RPSA: variants seen among roughly 807,000 people sequenced by gnomAD.
RPSA encodes ribosomal protein SA.
For synonymous variants in RPSA, 103 were observed against 126.7 expected (o/e 0.81, Z 1.25); for missense variants, 140 against 372.8 (o/e 0.38, Z 5.14).
Position 39,411,462 on chromosome 3 carries a change from T to C in RPSA, c.499-187T>C, listed in dbSNP as rs577722817. On this transcript the variant is annotated intron_variant, in intron 4 of 6. Coordinates refer to ENST00000301821, the MANE Select transcript of RPSA (RefSeq NM_002295.6). ...ATGCCAGTGTCCAGGCATTTTTTTTTCAATCCCTATGATTCCAGTGTGCAG... is the reference window on the plus strand; with the variant it reads ...ATGCCAGTGTCCAGGCATTTTTTTTCCAATCCCTATGATTCCAGTGTGCAG... The C allele has an allele frequency of 7.1e-5, 45 of 636,504 alleles. 1 individual carries two copies. The highest frequency in any genetic ancestry group is 4.0e-4 in the East Asian group (14 of 35,294). 39.4% of individuals were successfully genotyped at this position (636,504 alleles called of 1,614,324 possible).
intron 3 of RPSA, chr3:39,410,449 T>C (rs1361547328): frequency 2.5e-6 from 1 of 401,886 alleles, no homozygotes; most frequent in East Asian, 5.6e-5. Context: ...AAAAGGCAGT[T>C]AGTTATTGCT....
intron 3 of RPSA, among the ~76,000 whole-genome samples, chr3:39,409,530 C>T (rs1299811971): frequency 6.6e-6 from 1 of 152,232 alleles, no homozygotes; most frequent in South Asian, 2.1e-4. Flanking sequence ...ACATGCTGGG[C>T]ATCTGGCAGT....
chr3:39,412,210 G>C (rs1270295160), intron 6 of RPSA, 64 bp from the exon 7 acceptor site: 1 of 1,387,134 alleles, frequency 7.2e-7, no homozygotes, highest in Non-Finnish European at 1.0e-6. Flanking sequence ...TGTTGGGAGT[G>C]GGGTAAGGAA....
chr3:39,410,635 TGTG>T, intron 3 of RPSA, 116 bp from the exon 4 acceptor site: 1 of 1,122,250 alleles, frequency 8.9e-7, no homozygotes, highest in Non-Finnish European at 1.4e-6. Context: ...AAGCTGGGTA[TGTG>T]CCTGCTTTAC....
At chr3:39,407,217 C>T (rs1230526073) in intron 1 of RPSA, 2 of 343,342 alleles carry the variant, frequency 5.8e-6, no homozygotes, top group African/African-American at 2.2e-5. Context: ...CGAAGTAATT[C>T]CAAAGCATCC....
Position 39,410,746 on chromosome 3 carries a change from C to T in RPSA, c.253-8C>T, listed in dbSNP as rs371310435. 3 of 1,613,864 alleles carry T rather than the reference C, an allele frequency of 1.9e-6. No individual in the cohort carries two copies. The highest frequency in any genetic ancestry group is 2.5e-6 in the Non-Finnish European group (3 of 1,179,860). On this transcript the variant is annotated splice_region_variant and splice_polypyrimidine_tract_variant and intron_variant, in intron 3 of 6. Transcript: ENST00000301821. Reference sequence around the variant, plus strand: ...ATCGAGTACCACTAACTTTTAAATTCTTCAAAGAGGGCTGTGCTGAAGTTT... The same window carrying T: ...ATCGAGTACCACTAACTTTTAAATTTTTCAAAGAGGGCTGTGCTGAAGTTT...
In RPSA at chr3:39,410,741, A is replaced by G; in HGVS notation, c.253-13A>G. ...GGAATATCGAGTACCACTAACTTTTAAATTCTTCAAAGAGGGCTGTGCTGA... is the reference window on the plus strand; with the variant it reads ...GGAATATCGAGTACCACTAACTTTTGAATTCTTCAAAGAGGGCTGTGCTGA... On this transcript the variant is annotated splice_polypyrimidine_tract_variant and intron_variant, in intron 3 of 6. Coordinates refer to ENST00000301821, the MANE Select transcript of RPSA (RefSeq NM_002295.6). 1 of 1,613,856 alleles carries G rather than the reference A, an allele frequency of 6.2e-7. No homozygotes were observed.
chr3:39,408,935 A>C, intron 3 of RPSA: 1 of 494,322 alleles, frequency 2.0e-6, no homozygotes, highest in Non-Finnish European at 3.7e-6. Context: ...AAATACAAAA[A>C]ATTAGTTGGG....
rs2041994320 is a variant in RPSA at position 39,410,749 on chromosome 3, CAA to C, written c.253-3_253-2del. The C allele has an allele frequency of 6.2e-7, 1 of 1,613,740 alleles. No individual in the cohort carries two copies. The highest frequency in any genetic ancestry group is 1.3e-5 in the African/African-American group (1 of 74,896). ...GAGTACCACTAACTTTTAAATTCTT[CAA>C]AGAGGGCTGTGCTGAAGTTTGCTGC... On this transcript the variant is annotated splice_polypyrimidine_tract_variant and splice_region_variant and intron_variant, in intron 3 of 6. Coordinates refer to ENST00000301821, the MANE Select transcript of RPSA (RefSeq NM_002295.6).
chr3:39,410,271 A>C (rs1057379519), intron 3 of RPSA: 2 of 159,806 alleles, frequency 1.3e-5, no homozygotes, highest in Non-Finnish European at 2.8e-5. Flanking sequence ...GAATTCTAAG[A>C]GTTCTAACAG....
At chr3:39,412,167 C>T (rs1471891448) in intron 6 of RPSA, 106 bp downstream of exon 6, 3 of 1,368,410 alleles carry the variant, frequency 2.2e-6, no homozygotes, top group South Asian at 2.3e-5. Context: ...AAGAGGTTTT[C>T]ATTCCAGTGT....
At chr3:39,407,455 C>A in intron 1 of RPSA, 166 bp from the exon 2 acceptor site, 1 of 661,468 alleles carries the variant, frequency 1.5e-6, no homozygotes, top group Non-Finnish European at 2.8e-6. Flanking sequence ...AAGATGTGCG[C>A]TGTTCCGTAA....
intron 5 of RPSA, 23 bp from the exon 6 acceptor site, chr3:39,411,873 C>G: frequency 6.3e-7 from 1 of 1,599,538 alleles, no homozygotes; most frequent in Non-Finnish European, 8.5e-7. Flanking sequence ...GTAAGTCTTT[C>G]CTCTTTTTTT....
chr3:39,408,820 C>A, intron 3 of RPSA, 96 bp downstream of exon 3: 1 of 833,022 alleles, frequency 1.2e-6, no homozygotes, highest in Non-Finnish European at 2.1e-6. Context: ...ATAACTCAGG[C>A]CGGGCGCGGT....
chr3:39,408,059 G>A (rs1019362666), intron 2 of RPSA: 1 of 434,954 alleles, frequency 2.3e-6, no homozygotes, highest in African/African-American at 2.0e-5. Context: ...AGCTCGCATA[G>A]TGCCTTCAAC....
Position 39,407,722 on chromosome 3 carries a change from C to G in RPSA, c.69C>G (p.Thr23=), listed in dbSNP as rs766952968. 6.3e-7 allele frequency: 1 copy of G among 1,592,028 alleles called. No individual in the cohort carries two copies. The highest frequency in any genetic ancestry group is 2.2e-5 in the East Asian group (1 of 44,844). Residue 23 remains threonine (T), a synonymous_variant, in exon 2 of 7, where the codon ACC becomes ACG. Transcript: ENST00000301821. ...EDVLKFLAAG[T]HLGGTNLDFQ... The stretch of plus-strand genomic sequence containing the variant: ...TCCTTAAGTTCCTTGCAGCAGGAAC[C>G]CACTTAGGTGGCACCAATCTTGACT...
chr3:39,408,393 C>T (rs1338240570), intron 2 of RPSA: 7 of 748,218 alleles, frequency 9.4e-6, no homozygotes, highest in Non-Finnish European at 1.7e-5. Flanking sequence ...ATCTAGGCTG[C>T]ACACTATTAA....
At position 39,411,711 on chromosome 3, in the gene RPSA, C is replaced by T. The variant is rs1197487557; in HGVS notation, c.561C>T (p.Gly187=). The change falls in exon 5 of 7, where the codon GGC becomes GGT. Residue 187 remains glycine, a synonymous_variant. Transcript: ENST00000301821. ...CTCGGGAAGTTCTGCGCATGCGTGGCACCATTTCCCGTGAACACCCATGGG... is the reference window on the plus strand; with the variant it reads ...CTCGGGAAGTTCTGCGCATGCGTGGTACCATTTCCCGTGAACACCCATGGG... ...MLAREVLRMR[G]TISREHPWEV... 1 of 1,601,362 alleles carries T rather than the reference C, an allele frequency of 6.2e-7. No homozygotes were observed. The highest frequency in any genetic ancestry group is 8.5e-7 in the Non-Finnish European group (1 of 1,179,828).
Position 39,411,471 on chromosome 3 carries a change from A to G in RPSA, c.499-178A>G, listed in dbSNP as rs192356544. ...TCCAGGCATTTTTTTTTCAATCCCT[A>G]TGATTCCAGTGTGCAGACAAGGTTG... On this transcript the variant is annotated intron_variant, in intron 4 of 6. Transcript: ENST00000301821. 2.9e-4 allele frequency: 191 copies of G among 662,656 alleles called. No homozygotes were observed. In the Middle Eastern group the frequency reaches 4.2e-3, roughly 14 times the overall value. 41.0% of individuals were successfully genotyped at this position (662,656 alleles called of 1,614,324 possible). A position where few individuals can be genotyped will look rare whatever the true frequency, so the allele number is the denominator to read the frequency against.
Sources: allele counts gnomAD v4.1 joint callset (sites outside exome capture counted in the v4.1 genomes callset), GRCh38; gene constraint gnomAD v4.1.1; transcripts MANE v1.5; gene names NCBI Gene and HGNC (gene_info 2026-07-23, HGNC 2026-07-21).